The following PINX1 variants were observed in gnomAD, a reference collection of about 807,000 sequenced individuals.
The protein encoded by PINX1 is PIN2 (TERF1) interacting telomerase inhibitor 1, also known as PIN2/TERF1-interacting telomerase inhibitor 1.
A neutral mutation model predicts 25.4 loss-of-function variants in PINX1; 34 were observed. The observed-to-expected ratio is 1.34, with a 90% CI of 1.02 to 1.78. PINX1 has a LOEUF of 1.78. Among genes scored for constraint, PINX1 ranks in the 40% most tolerant of loss-of-function variants. The pLI is 0.00. For missense variants in PINX1, 592 were observed against 404.9 expected (o/e 1.46, Z -3.97); for synonymous variants, 197 against 147.7 (o/e 1.33, Z -2.42).
At chr8:10,766,180 C>G (rs1280696054) in intron 6 of PINX1, among the ~76,000 whole-genome samples, 38 of 152,172 alleles carry the variant, frequency 2.5e-4, no homozygotes. Flanking sequence ...AGATGACAGG[C>G]AGAAGCTAAT....
chr8:10,774,611 C>T (rs11250072), intron 6 of PINX1, among the ~76,000 whole-genome samples: 97,209 of 152,034 alleles, frequency 0.64, 32,322 homozygotes, highest in African/African-American at 0.81. Context: ...ATAAAATATT[C>T]ATTTTGAAAC....
intron 2 of PINX1, chr8:10,834,326 C>G: frequency 4.8e-6 from 1 of 208,856 alleles, no homozygotes; most frequent in Non-Finnish European, 9.6e-6. Flanking sequence ...ACTGATTTGG[C>G]ACTTAGAGAT....
intron 6 of PINX1, among the ~76,000 whole-genome samples, chr8:10,810,986 T>C (rs1797498259): frequency 6.6e-6 from 1 of 152,226 alleles, no homozygotes. Context: ...CCAAAGGATG[T>C]TTCCTATAAG....
chr8:10,811,290 A>C (rs759472661), intron 6 of PINX1, among the ~76,000 whole-genome samples: 3 of 152,230 alleles, frequency 2.0e-5, no homozygotes, highest in South Asian at 2.1e-4. Context: ...CCTATTCACA[A>C]CACTATATGG....
chr8:10,795,307 C>G (rs1288369269), intron 6 of PINX1, among the ~76,000 whole-genome samples: 1 of 152,180 alleles, frequency 6.6e-6, no homozygotes, highest in Admixed American at 6.5e-5. Flanking sequence ...GGCTGTCTTT[C>G]TTAGCTGCTC....
At chr8:10,822,014 G>C (rs1290329412) in intron 5 of PINX1, 4 of 152,224 alleles carry the variant, frequency 2.6e-5, no homozygotes, top group African/African-American at 4.8e-5. Context: ...GTGCAAATGT[G>C]TCTAAAGTTT....
intron 5 of PINX1, among the ~76,000 whole-genome samples, chr8:10,821,131 G>A (rs543919627): frequency 8.5e-5 from 13 of 152,208 alleles, no homozygotes; most frequent in Non-Finnish European, 1.5e-4. Context: ...GGCTCTGGGC[G>A]AGGGAGGTTC....
chr8:10,806,708 G>C (rs1388035504), intron 6 of PINX1, among the ~76,000 whole-genome samples: 1 of 152,150 alleles, frequency 6.6e-6, no homozygotes, highest in Non-Finnish European at 1.5e-5. Flanking sequence ...GGGAACAGAA[G>C]GTATAACCCC....
At chr8:10,787,472 C>T (rs1178244111) in intron 6 of PINX1, 4 of 179,912 alleles carry the variant, frequency 2.2e-5, no homozygotes, top group Non-Finnish European at 3.5e-5. Context: ...CAAGCAATCC[C>T]GCTTCAGCCT....
At chr8:10,775,247 G>A (rs536536600) in intron 6 of PINX1, among the ~76,000 whole-genome samples, 13 of 152,194 alleles carry the variant, frequency 8.5e-5, no homozygotes, top group Non-Finnish European at 1.8e-4. Flanking sequence ...CTGTCTCCCT[G>A]CATGTTCAGA....
intron 1 of PINX1, among the ~76,000 whole-genome samples, chr8:10,839,134 C>G (rs1798493647): frequency 6.6e-6 from 1 of 152,154 alleles, no homozygotes. Flanking sequence ...TTCACCGACT[C>G]CACCAAGTGA....
At chr8:10,834,425 G>C in intron 2 of PINX1, 1 of 490,432 alleles carries the variant, frequency 2.0e-6, no homozygotes, top group South Asian at 3.0e-5. Context: ...GGGAAAAAGC[G>C]TGTAGCCTAG....
Position 10,826,258 on chromosome 8 carries a change from G to GA in PINX1, c.302-15dup, listed in dbSNP as rs370032818. 3.8e-4 allele frequency: 519 copies of GA among 1,360,792 alleles called. No homozygotes were observed. The highest frequency in any genetic ancestry group is 4.5e-4 in the Non-Finnish European group (433 of 970,858). The allele number at this position is 1,360,792 out of a possible 1,614,324, so 84.3% of individuals were successfully genotyped here. Reference sequence around the variant, plus strand: ...TGTCCGAGGAATCTTTAAAAAAGATGAAAAAAATACATTAAAGTCTTTCTA... The same window carrying GA: ...TGTCCGAGGAATCTTTAAAAAAGATGAAAAAAAATACATTAAAGTCTTTCTA... On this transcript the variant is annotated splice_polypyrimidine_tract_variant and intron_variant, in intron 4 of 6. Transcript: ENST00000314787.
At chr8:10,804,881 C>G (rs1337422090) in intron 6 of PINX1, among the ~76,000 whole-genome samples, 1 of 151,930 alleles carries the variant, frequency 6.6e-6, no homozygotes, top group African/African-American at 2.4e-5. Context: ...TTAATCTACT[C>G]AACATCATTC....
At chr8:10,830,062 G>A (rs942383741) in intron 4 of PINX1, among the ~76,000 whole-genome samples, 2 of 152,182 alleles carry the variant, frequency 1.3e-5, no homozygotes, top group Non-Finnish European at 2.9e-5. Context: ...AAGGAATAGT[G>A]TCCTTGAACT....
At chr8:10,833,018 C>G (rs1454755781) in intron 2 of PINX1, 34 bp from the exon 3 acceptor site, 1 of 1,339,728 alleles carries the variant, frequency 7.5e-7, no homozygotes, top group South Asian at 1.2e-5. Context: ...TTAGAACATT[C>G]CTCTCACTGA....
intron 6 of PINX1, among the ~76,000 whole-genome samples, chr8:10,785,629 T>C (rs993875861): frequency 3.3e-5 from 5 of 152,212 alleles, no homozygotes; most frequent in African/African-American, 9.6e-5. Context: ...GTTGAAGCTG[T>C]TTTTTCCTCT....
chr8:10,787,764 A>G (rs745819779), intron 6 of PINX1: 147 of 454,950 alleles, frequency 3.2e-4, no homozygotes, highest in Non-Finnish European at 5.4e-4. Flanking sequence ...GGTGAAATCA[A>G]CAAAATTCAG....
At chr8:10,771,176 T>A (rs982135268) in intron 6 of PINX1, 7 of 152,214 alleles carry the variant, frequency 4.6e-5, no homozygotes, top group African/African-American at 1.7e-4. Flanking sequence ...ACAAATTATG[T>A]CTTCATGTAT....
Sources: gnomAD v4.1 joint callset for allele counts (sites outside exome capture counted in the v4.1 genomes callset) on GRCh38, gnomAD v4.1.1 for gene constraint, MANE v1.5 for transcripts, NCBI Gene and HGNC (gene_info 2026-07-23, HGNC 2026-07-21) for gene names.